The following KRT27 variants were observed in gnomAD, a reference collection of about 807,000 sequenced individuals.
KRT27 encodes keratin 27.
A neutral mutation model predicts 45.3 loss-of-function variants in KRT27; 30 were observed. The ratio of observed to expected loss-of-function variants is 0.66; its 90% CI spans 0.50 to 0.90. The LOEUF is 0.90. Among genes scored for constraint, KRT27 ranks in the 40% least tolerant of loss-of-function variants. KRT27 has a pLI of 0.00. For synonymous variants in KRT27, 204 were observed against 223.9 expected (o/e 0.91, Z 0.79); for missense variants, 610 against 564.3 (o/e 1.08, Z -0.82).
Position 40,777,151 on chromosome 17 carries a change from A to G in KRT27, c.1241-13T>C. 1 of 1,613,054 alleles carries G rather than the reference A, an allele frequency of 6.2e-7. No homozygotes were observed. The highest frequency in any genetic ancestry group is 8.5e-7 in the Non-Finnish European group (1 of 1,179,408). ...GTTTTAGATGAATCTAAAATGCCAC[A>G]TATAAACTGTTTAGAATTTATCAAA... is the stretch of plus-strand genomic sequence containing the variant. On this transcript the variant is annotated splice_polypyrimidine_tract_variant and intron_variant, in intron 7 of 7. Transcript: ENST00000301656.
At chr17:40,778,830 G>A (rs1405871823) in intron 5 of KRT27, among the ~76,000 whole-genome samples, 2 of 138,130 alleles carry the variant, frequency 1.4e-5, no homozygotes, top group African/African-American at 5.0e-5. Context: ...TTAAGCAGTA[G>A]GATTTTTTTT....
chr17:40,780,561 A>C, intron 2 of KRT27, 105 bp from the exon 3 acceptor site: 2 of 1,091,202 alleles, frequency 1.8e-6, no homozygotes, highest in Non-Finnish European at 2.6e-6. Context: ...AACTACTAAG[A>C]TAATACTTAA....
intron 6 of KRT27, 27 bp from the exon 7 acceptor site, chr17:40,777,329 AATT>A: frequency 6.3e-7 from 1 of 1,594,436 alleles, no homozygotes; most frequent in African/African-American, 1.4e-5. Context: ...CGCTTATATT[AATT>A]ATTCTGTTTT....
In KRT27 at chr17:40,782,385, C is replaced by G; in HGVS notation, c.109G>C (p.Gly37Arg). Residue 37 changes from glycine to arginine, a missense_variant, in exon 1 of 8, where the codon GGT (glycine) becomes CGT (arginine). Coordinates refer to ENST00000301656, the MANE Select transcript of KRT27 (RefSeq NM_181537.4). ...AAGCCACTTCCAATGCCTGGCACAC[C>G]GCATGTGTTTCCAGCCCCAAAGCCT... Reference protein sequence around the residue: ...GAGFGAGNTCGVPGIGSGFSC... With the variant: ...GAGFGAGNTCRVPGIGSGFSC... The G allele has an allele frequency of 6.2e-7, 1 of 1,614,080 alleles. No homozygotes were observed. The highest frequency in any genetic ancestry group is 2.2e-5 in the East Asian group (1 of 44,880).
Position 40,779,728 on chromosome 17 carries a change from C to T in KRT27, c.818G>A (p.Arg273Lys), listed in dbSNP as rs76225348. The T allele has an allele frequency of 4.5e-3, 7,296 of 1,614,146 alleles. 18 individuals are homozygous for T. The highest frequency in any genetic ancestry group is 0.011 in the Middle Eastern group (68 of 6,058). ...TTCGTTGAACCAGGCCTCCGCGTCCCTGCGGTTCTGCTCTGCGAGGGCTTC... is the reference window on the plus strand; with the variant it reads ...TTCGTTGAACCAGGCCTCCGCGTCCTTGCGGTTCTGCTCTGCGAGGGCTTC... ...EYEALAEQNRRDAEAWFNEKS... is the reference protein window; with the variant it reads ...EYEALAEQNRKDAEAWFNEKS... Residue 273 changes from arginine (R) to lysine (K), a missense_variant, in exon 4 of 8, where the codon AGG becomes AAG. Physicochemically the swap from Arg to Lys is conservative, Grantham distance 26. Coordinates refer to ENST00000301656, the MANE Select transcript of KRT27 (RefSeq NM_181537.4).
chr17:40,779,427 T>C (rs1425972402), intron 5 of KRT27, 75 bp downstream of exon 5: 2 of 1,526,022 alleles, frequency 1.3e-6, no homozygotes, highest in African/African-American at 1.4e-5. Context: ...TATGTAATTA[T>C]GTTGGAAGAA....
intron 1 of KRT27, 44 bp from the exon 2 acceptor site, chr17:40,781,314 T>C: frequency 8.6e-7 from 1 of 1,163,970 alleles, no homozygotes; most frequent in South Asian, 1.3e-5. Flanking sequence ...ATATTTAAGA[T>C]GCATTTCAAA....
At position 40,779,604 on chromosome 17, in the gene KRT27, G is replaced by GATCT. The variant is rs754042515; in HGVS notation, c.866_869dup (p.Ser291AspfsTer3). 5.6e-6 allele frequency: 9 copies of GATCT among 1,614,124 alleles called. No homozygotes were observed. The African/African-American group carries it at 1.1e-4, about 19-fold the overall frequency. ...AGGTGGTGGCGCCAGCGTCGTCAGA[G>GATCT]ATCTGCTGCTGCAGCGAGGCGCTCT... On this transcript the variant is annotated frameshift_variant, in exon 5 of 8. Coordinates refer to ENST00000301656, the MANE Select transcript of KRT27 (RefSeq NM_181537.4). LOFTEE classifies it high-confidence loss of function.
rs906997599 is a variant in KRT27 at position 40,779,820 on chromosome 17, G to T, written c.726C>A (p.Asn242Lys). ...CCCCGGGGGCCGCGTTCATCTCCACGTTCACGTTGCCTCCAGCCGCGCACT... is the reference window on the plus strand; with the variant it reads ...CCCCGGGGGCCGCGTTCATCTCCACTTTCACGTTGCCTCCAGCCGCGCACT... ...ALQCAAGGNV[N>K]VEMNAAPGVD... The change falls in exon 4 of 8, where the codon AAC becomes AAA. Residue 242 changes from asparagine (N) to lysine (K), a missense_variant. Coordinates refer to ENST00000301656, the MANE Select transcript of KRT27 (RefSeq NM_181537.4). 6.2e-7 allele frequency: 1 copy of T among 1,614,038 alleles called. No individual in the cohort carries two copies. Among genetic ancestry groups the T allele is most frequent in the Admixed American group, 1.7e-5 (1 of 59,944 alleles).
intron 2 of KRT27, among the ~76,000 whole-genome samples, chr17:40,780,817 C>T (rs897669626): frequency 6.6e-6 from 1 of 152,084 alleles, no homozygotes; most frequent in Admixed American, 6.5e-5. Flanking sequence ...CCACTGCACT[C>T]CAGCCTGGGC....
Position 40,776,856 on chromosome 17 carries a change from A to T in KRT27, c.*143T>A. ...TATTGAAACACCACCATAGAGAAAA[A>T]GCCAAAGAAATGGTACTATTCTAAA... is the stretch of plus-strand genomic sequence containing the variant. On this transcript the variant is annotated 3_prime_UTR_variant, in exon 8 of 8. Coordinates refer to ENST00000301656, the MANE Select transcript of KRT27 (RefSeq NM_181537.4). 1.5e-6 allele frequency: 1 copy of T among 684,590 alleles called. No individual in the cohort carries two copies. The highest frequency in any genetic ancestry group is 2.3e-6 in the Non-Finnish European group (1 of 431,738). 42.4% of individuals were successfully genotyped at this position (684,590 alleles called of 1,614,324 possible). A position where few individuals can be genotyped will look rare whatever the true frequency, so the allele number is the denominator to read the frequency against.
chr17:40,779,189 C>A (rs2038288506), intron 5 of KRT27, among the ~76,000 whole-genome samples: 2 of 152,144 alleles, frequency 1.3e-5, no homozygotes, highest in Admixed American at 6.5e-5. Context: ...CTTCTGAGAT[C>A]AACTTTTTTA....
At position 40,777,314 on chromosome 17, in the gene KRT27, T is replaced by G; in HGVS notation, c.1191-12A>C. On this transcript the variant is annotated splice_polypyrimidine_tract_variant and intron_variant, in intron 6 of 7. Transcript: ENST00000301656. ...ATTTAGAACAGGAGCTGTAAAAGTA[T>G]AGAGCGCTTATATTAATTATTCTGT... The G allele has an allele frequency of 6.2e-7, 1 of 1,605,092 alleles. No homozygotes were observed. Among genetic ancestry groups the G allele is most frequent in the Non-Finnish European group, 8.5e-7 (1 of 1,177,438 alleles).
intron 5 of KRT27, among the ~76,000 whole-genome samples, chr17:40,778,958 A>G (rs1028421349): frequency 6.6e-6 from 1 of 152,158 alleles, no homozygotes; most frequent in Non-Finnish European, 1.5e-5. Context: ...CATGGTCCCA[A>G]ACATTTATCT....
intron 2 of KRT27, among the ~76,000 whole-genome samples, chr17:40,780,872 TA>T (rs1218910758): frequency 2.6e-5 from 4 of 151,784 alleles, no homozygotes; most frequent in Non-Finnish European, 4.4e-5. Context: ...AATAAATAAA[TA>T]AATTAATTAA....
At chr17:40,777,393 G>A (rs532883624) in intron 6 of KRT27, 91 bp from the exon 7 acceptor site, 1 of 1,527,988 alleles carries the variant, frequency 6.5e-7, no homozygotes, top group Admixed American at 1.8e-5. Context: ...ACTGCATTCT[G>A]AAATAACACT....
chr17:40,777,439 A>G, intron 6 of KRT27, 76 bp downstream of exon 6: 3 of 1,567,516 alleles, frequency 1.9e-6, no homozygotes, highest in Non-Finnish European at 8.8e-7. Context: ...TAGATCATAG[A>G]TATTTTGTAC....
chr17:40,778,076 A>G (rs1002677223), intron 5 of KRT27: 9 of 237,924 alleles, frequency 3.8e-5, no homozygotes, highest in African/African-American at 2.0e-4. Context: ...ACCCACAACT[A>G]GAAGTCCGCC....
In KRT27 at chr17:40,779,555, T is replaced by C; in HGVS notation, c.919A>G (p.Met307Val). Residue 307 changes from methionine (M) to valine (V), a missense_variant, in exon 5 of 8, where the codon ATG becomes GTG. Transcript: ENST00000301656. ...TTSARNELIE[M>V]KRTLQTLEIE... is the part of the protein sequence containing the mutation. ...TCAAGGGTTTGAAGAGTGCGTTTCA[T>C]CTCGATAAGCTCATTCCGGGCTGAG... is the stretch of plus-strand genomic sequence containing the variant. 1 of 1,614,256 alleles carries C rather than the reference T, an allele frequency of 6.2e-7. No individual in the cohort carries two copies. The highest frequency in any genetic ancestry group is 8.5e-7 in the Non-Finnish European group (1 of 1,180,030).
Sources: gnomAD v4.1 joint callset for allele counts (sites outside exome capture counted in the v4.1 genomes callset) on GRCh38, gnomAD v4.1.1 for gene constraint, MANE v1.5 for transcripts, NCBI Gene and HGNC (gene_info 2026-07-23, HGNC 2026-07-21) for gene names.